SPTAN1: variants seen among roughly 807,000 people sequenced by gnomAD.
The protein encoded by SPTAN1 is spectrin alpha, non-erythrocytic 1, also known as spectrin alpha chain, non-erythrocytic 1.
Under a neutral mutation model 331.3 loss-of-function variants are expected in SPTAN1, and 61 were observed. The observed-to-expected ratio is 0.18, with a 90% CI of 0.15 to 0.23. SPTAN1 has a LOEUF of 0.23. Ranked by LOEUF, SPTAN1 falls within the 10% of genes least tolerant of loss-of-function variation. The pLI is 1.00. For missense variants in SPTAN1, 2,043 were observed against 3,147.9 expected, an observed-to-expected ratio of 0.65 and a Z score of 8.40; for synonymous variants, 1,153 against 1,173.9, an observed-to-expected ratio of 0.98 and a Z score of 0.36.
intron 1 of SPTAN1, among the ~76,000 whole-genome samples, chr9:128,555,595 A>G (rs139449739): frequency 1.7e-3 from 248 of 148,432 alleles, no homozygotes; most frequent in African/African-American, 5.7e-3. Flanking sequence ...AAGTATTAGT[A>G]AATTTACTTG....
intron 41 of SPTAN1, among the ~76,000 whole-genome samples, chr9:128,616,339 A>G (rs1857166090): frequency 6.6e-6 from 1 of 151,394 alleles, no homozygotes; most frequent in South Asian, 2.1e-4. Context: ...GCTAGTCTCG[A>G]GCTGACCTCA....
intron 15 of SPTAN1, 53 bp downstream of exon 15, chr9:128,583,334 C>T (rs919319328): frequency 2.6e-5 from 40 of 1,558,152 alleles, no homozygotes; most frequent in Admixed American, 5.2e-5. Context: ...ACTAAATACC[C>T]CTTTCTATTA....
At chr9:128,558,115 T>C (rs1848867175) in intron 1 of SPTAN1, among the ~76,000 whole-genome samples, 1 of 152,186 alleles carries the variant, frequency 6.6e-6, no homozygotes, top group Non-Finnish European at 1.5e-5. Flanking sequence ...ATATTAGAAA[T>C]TTCTAGCCAA....
intron 9 of SPTAN1, 52 bp from the exon 10 acceptor site, chr9:128,579,585 T>C (rs769549817): frequency 8.2e-6 from 12 of 1,459,918 alleles, no homozygotes; most frequent in Admixed American, 3.4e-5. Context: ...ACCTTGTTTT[T>C]ATTTTGTAAG....
At position 128,607,650 on chromosome 9, in the gene SPTAN1, G is replaced by T. The variant is rs144804532; in HGVS notation, c.4093G>T (p.Asp1365Tyr). ...TGGAATACGGGGGTTGGTGTCCTCA[G>T]ATGAGCTAGCCAAGGATGTCACCGG... Reference protein sequence around the residue: ...INGIRGLVSSDELAKDVTGAE... With the variant: ...INGIRGLVSSYELAKDVTGAE... The change falls in exon 32 of 57, where the codon GAT becomes TAT. Residue 1365 changes from aspartate (D) to tyrosine (Y), a missense_variant. By Grantham distance (160) the Asp-to-Tyr change is radical. Around this residue, in one of 12 missense-constraint regions of SPTAN1, gnomAD observed 179 missense variants for 215.7 expected, o/e 0.83. Coordinates refer to ENST00000372739, the MANE Select transcript of SPTAN1 (RefSeq NM_001130438.3). 1 of 1,613,998 alleles carries T rather than the reference G, an allele frequency of 6.2e-7. No individual in the cohort carries two copies. The highest frequency in any genetic ancestry group is 8.5e-7 in the Non-Finnish European group (1 of 1,180,024).
In SPTAN1 at chr9:128,584,407, G is replaced by C; in HGVS notation, c.2319G>C (p.Met773Ile). The C allele has an allele frequency of 6.2e-7, 1 of 1,614,158 alleles. No individual in the cohort carries two copies. Among genetic ancestry groups the C allele is most frequent in the Non-Finnish European group, 8.5e-7 (1 of 1,180,038 alleles). The change falls in exon 17 of 57, where the codon ATG (methionine) becomes ATC (isoleucine). Residue 773 changes from methionine (M) to isoleucine (I), a missense_variant. Around this residue, in one of 12 missense-constraint regions of SPTAN1, gnomAD observed 1,038 missense variants for 1,531.5 expected, o/e 0.68. Coordinates refer to ENST00000372739, the MANE Select transcript of SPTAN1 (RefSeq NM_001130438.3). ...VARYEALKEP[M>I]VARKQKLADS... Reference sequence around the variant, plus strand: ...GCTATGAGGCACTCAAGGAGCCCATGGTTGCCCGGAAGCAGAAGCTGGCCG... The same window carrying C: ...GCTATGAGGCACTCAAGGAGCCCATCGTTGCCCGGAAGCAGAAGCTGGCCG...
chr9:128,602,090 T>TG (rs1415667083), intron 27 of SPTAN1, among the ~76,000 whole-genome samples: 5 of 152,146 alleles, frequency 3.3e-5, no homozygotes, highest in African/African-American at 1.2e-4. Context: ...TTGGAGACAG[T>TG]GGGTCCACCT....
In SPTAN1 at chr9:128,629,379, C is replaced by A. The variant is rs1310309327; in HGVS notation, c.6708-942C>A. On this transcript the variant is annotated intron_variant, in intron 51 of 56. Transcript: ENST00000372739. The surrounding 1 kb of genome is among the most constrained non-coding windows in gnomAD (Gnocchi z 4.9). Reference sequence around the variant, plus strand: ...GGGCATTTTCCCCGGGGGGACATGGCGTGACTGTGAGTCTGACCTGCTGGG... The same window carrying A: ...GGGCATTTTCCCCGGGGGGACATGGAGTGACTGTGAGTCTGACCTGCTGGG... Among the ~76,000 whole-genome samples the A allele has an allele frequency of 1.1e-4, 16 of 151,860 alleles. No individual in the cohort carries two copies. Among genetic ancestry groups the A allele is most frequent in the Non-Finnish European group, 1.5e-5 (1 of 67,952 alleles).
rs1357725420 is a variant in SPTAN1, at chr9:128,600,072, T to C, written c.3544-8T>C. ...CTTGGCTGCCTAAATTCCTCTTTCT[T>C]TGAATAGGATGAAACTGATTCCAAG... is the stretch of plus-strand genomic sequence containing the variant. On this transcript the variant is annotated splice_polypyrimidine_tract_variant and splice_region_variant and intron_variant, in intron 26 of 56. Transcript: ENST00000372739. The C allele has an allele frequency of 6.2e-7, 1 of 1,614,092 alleles. No homozygotes were observed. The highest frequency in any genetic ancestry group is 1.1e-5 in the South Asian group (1 of 91,084).
chr9:128,624,915 G>T, intron 46 of SPTAN1, 188 bp from the exon 47 acceptor site: 1 of 664,770 alleles, frequency 1.5e-6, no homozygotes, highest in Non-Finnish European at 2.7e-6. Context: ...CAGGGAGCTC[G>T]TCATGGCACA....
At position 128,627,934 on chromosome 9, in the gene SPTAN1, C is replaced by A; in HGVS notation, c.6699C>A (p.Leu2233=). The change falls in exon 51 of 57, where the codon CTC becomes CTA. Residue 2233 remains leucine (L), a synonymous_variant. Transcript: ENST00000372739. This position sits in a 1 kb window ranked among gnomAD's most constrained non-coding sequence, Gnocchi z 4.9. ...GATCTGCTCTCCACAGGACATACCT[C>A]CTCGATGGGTTAATATTGTTTTCTT... ...HQWIQETRTY[L]LDGSCMVEES... 1 of 1,614,214 alleles carries A rather than the reference C, an allele frequency of 6.2e-7. No individual in the cohort carries two copies. The highest frequency in any genetic ancestry group is 8.5e-7 in the Non-Finnish European group (1 of 1,180,038).
intron 41 of SPTAN1, among the ~76,000 whole-genome samples, chr9:128,616,698 C>T (rs910433065): frequency 2.6e-5 from 4 of 151,446 alleles, no homozygotes; most frequent in African/African-American, 4.9e-5. Flanking sequence ...ACCAGGGAGG[C>T]GGAGGTTGCA....
intron 43 of SPTAN1, 90 bp downstream of exon 43, chr9:128,618,198 C>G (rs1857413092): frequency 1.9e-6 from 3 of 1,567,840 alleles, no homozygotes; most frequent in African/African-American, 1.4e-5. Flanking sequence ...AGTGGGCCCT[C>G]CTACTGTCTC....
chr9:128,606,047 A>C (rs1325951611), intron 31 of SPTAN1, among the ~76,000 whole-genome samples: 1 of 152,136 alleles, frequency 6.6e-6, no homozygotes, highest in South Asian at 2.1e-4. Context: ...AATGTAAAAT[A>C]GTCAAACTAC....
Position 128,584,032 on chromosome 9 carries a change from G to A in SPTAN1, c.2193+63G>A, listed in dbSNP as rs968304444. The A allele has an allele frequency of 1.2e-5, 20 of 1,601,774 alleles. No individual in the cohort carries two copies. The African/African-American group carries it at 2.3e-4, about 18-fold the overall frequency. ...GCAGAAACTATAGGAGGGAGGAAAA[G>A]CCAGTAATTTGAGACTAAATGAATT... On this transcript the variant is annotated intron_variant, in intron 16 of 56. Transcript: ENST00000372739.
intron 21 of SPTAN1, among the ~76,000 whole-genome samples, chr9:128,590,968 G>T (rs979652455): frequency 6.6e-6 from 1 of 152,208 alleles, no homozygotes. Context: ...GTGGCAGGCG[G>T]CATTGCTCTT....
At position 128,559,290 on chromosome 9, in the gene SPTAN1, G is replaced by C. The variant is rs974871514; in HGVS notation, c.-4+6594G>C. Among the ~76,000 whole-genome samples the C allele has an allele frequency of 6.6e-5, 10 of 152,320 alleles. No homozygotes were observed. In the East Asian group the frequency reaches 9.6e-4, roughly 15 times the overall value. ...AATTTCAGCAGGGCCTTGCTGAACTGTCTCTCTGGATTGGCAGGATCAAAT... is the reference window on the plus strand; with the variant it reads ...AATTTCAGCAGGGCCTTGCTGAACTCTCTCTCTGGATTGGCAGGATCAAAT... On this transcript the variant is annotated intron_variant, in intron 1 of 56. Coordinates refer to ENST00000372739, the MANE Select transcript of SPTAN1 (RefSeq NM_001130438.3).
At chr9:128,613,192 C>T (rs140213586) in intron 39 of SPTAN1, among the ~76,000 whole-genome samples, 189 bp from the exon 40 acceptor site, 6 of 152,172 alleles carry the variant, frequency 3.9e-5, no homozygotes, top group African/African-American at 1.4e-4. Context: ...TTTGACTGAC[C>T]GAGTGGAGAG....
chr9:128,580,865 C>T (rs1851854130), intron 10 of SPTAN1, 57 bp from the exon 11 acceptor site: 5 of 1,609,848 alleles, frequency 3.1e-6, no homozygotes. Flanking sequence ...GTTCTGTCTG[C>T]CTCGGAGGCA....
Sources: gnomAD v4.1 joint callset for allele counts (sites outside exome capture counted in the v4.1 genomes callset) on GRCh38, gnomAD v4.1.1 for gene constraint, gnomAD v4.1.1 regional missense constraint, Gnocchi (gnomAD v3.1) non-coding constraint, MANE v1.5 for transcripts, NCBI Gene and HGNC (gene_info 2026-07-23, HGNC 2026-07-21) for gene names.